Variants in TAF5 observed in about 807,000 individuals in gnomAD.
TAF5 encodes TATA-box binding protein associated factor 5, also known as transcription initiation factor TFIID subunit 5.
Under a neutral mutation model 80.9 loss-of-function variants are expected in TAF5, and 20 were observed. That is an observed-to-expected ratio of 0.25 (90% CI 0.17 to 0.36). The LOEUF (loss-of-function observed/expected upper bound fraction) is 0.36. Among genes scored for constraint, TAF5 ranks in the 10% least tolerant of loss-of-function variants. The pLI is 1.00. For synonymous variants in TAF5, 388 were observed against 406.4 expected, an observed-to-expected ratio of 0.95 and a Z score of 0.55; for missense variants, 863 against 1,029.4, an observed-to-expected ratio of 0.84 and a Z score of 2.21.
Position 103,368,333 on chromosome 10 carries a change from C to A in TAF5, c.344C>A (p.Ala115Glu). Reference sequence around the variant, plus strand: ...AGCAAACTCCGCGAGGCCGAAGAGGCGCTGCGCCGTGAGGCCGGGCTGCTG... The same window carrying A: ...AGCAAACTCCGCGAGGCCGAAGAGGAGCTGCGCCGTGAGGCCGGGCTGCTG... ...RQSKLREAEEALRREAGLLEE... is the reference protein window; with the variant it reads ...RQSKLREAEEELRREAGLLEE... The change falls in exon 1 of 11, where the codon GCG becomes GAG. Residue 115 changes from alanine to glutamate, a missense_variant. This residue lies in a region of TAF5 where 367 missense variants were observed against 335.5 expected (regional missense o/e 1.09). Coordinates refer to ENST00000369839, the MANE Select transcript of TAF5 (RefSeq NM_006951.5). The A allele has an allele frequency of 1.3e-6, 2 of 1,580,810 alleles. No individual in the cohort carries two copies. Among genetic ancestry groups the A allele is most frequent in the East Asian group, 2.3e-5 (1 of 43,912 alleles).
In TAF5 at chr10:103,368,018, A is replaced by G; in HGVS notation, c.29A>G (p.Glu10Gly). The G allele has an allele frequency of 1.4e-6, 2 of 1,466,272 alleles. No individual in the cohort carries two copies. Among genetic ancestry groups the G allele is most frequent in the Non-Finnish European group, 1.8e-6 (2 of 1,115,052 alleles). The allele number at this position is 1,466,272 out of a possible 1,614,324, so 90.8% of individuals were successfully genotyped here. MAALAEEQT[E>G]VAVKLEPEGP... Reference sequence around the variant, plus strand: ...GCGGCGCTGGCGGAGGAGCAGACGGAGGTGGCGGTCAAGCTAGAGCCTGAG... The same window carrying G: ...GCGGCGCTGGCGGAGGAGCAGACGGGGGTGGCGGTCAAGCTAGAGCCTGAG... The change falls in exon 1 of 11, where the codon GAG (glutamate) becomes GGG (glycine). Residue 10 changes from glutamate (E) to glycine (G), a missense_variant. Physicochemically the swap from Glu to Gly is moderately conservative, Grantham distance 98 (BLOSUM62 -2). Around this residue, in one of 3 missense-constraint regions of TAF5, gnomAD observed 367 missense variants for 335.5 expected, o/e 1.09. Transcript: ENST00000369839.
intron 6 of TAF5, 126 bp from the exon 7 acceptor site, chr10:103,383,112 C>T: frequency 1.4e-6 from 1 of 733,020 alleles, no homozygotes; most frequent in Non-Finnish European, 2.1e-6. Context: ...GAGGGATTAG[C>T]AAAGTGCGGT....
In TAF5 at chr10:103,378,158, G is replaced by A; in HGVS notation, c.798-77G>A. Reference sequence around the variant, plus strand: ...ACTACATTGAAAATATTCTGGGATGGTTTATAAGTATATGGGGGAAAGGCA... The same window carrying A: ...ACTACATTGAAAATATTCTGGGATGATTTATAAGTATATGGGGGAAAGGCA... On this transcript the variant is annotated intron_variant, in intron 2 of 10. Coordinates refer to ENST00000369839, the MANE Select transcript of TAF5 (RefSeq NM_006951.5). This position sits in a 1 kb window ranked among gnomAD's most constrained non-coding sequence, Gnocchi z 4.1. 1.5e-6 allele frequency: 2 copies of A among 1,297,198 alleles called. No homozygotes were observed. The highest frequency in any genetic ancestry group is 2.2e-6 in the Non-Finnish European group (2 of 929,230). 80.4% of individuals were successfully genotyped at this position (1,297,198 alleles called of 1,614,324 possible).
rs778012215 is a variant in TAF5 at position 103,373,392 on chromosome 10, C to T, written c.594C>T (p.Val198=). The T allele has an allele frequency of 2.5e-6, 4 of 1,613,898 alleles. No homozygotes were observed. Among genetic ancestry groups the T allele is most frequent in the Non-Finnish European group, 2.5e-6 (3 of 1,180,004 alleles). Residue 198 remains valine, a synonymous_variant, in exon 2 of 11, where the codon GTC becomes GTT. Coordinates refer to ENST00000369839, the MANE Select transcript of TAF5 (RefSeq NM_006951.5). ...TTGCTGTGGAAGACCAGCCAGATGT[C>T]AGTGCCGTGTTGTCAGCCTACAACC... ...GSVAVEDQPD[V]SAVLSAYNQQ...
chr10:103,386,526 G>T (rs1277153079), intron 8 of TAF5, among the ~76,000 whole-genome samples: 1 of 152,116 alleles, frequency 6.6e-6, no homozygotes, highest in African/African-American at 2.4e-5. Context: ...AATATACAGA[G>T]AATTGGAGTT....
chr10:103,369,846 T>C (rs2093355050), intron 1 of TAF5, among the ~76,000 whole-genome samples: 1 of 152,214 alleles, frequency 6.6e-6, no homozygotes, highest in Non-Finnish European at 1.5e-5. Context: ...GCCATGTGTT[T>C]AGGCATGGGC....
intron 1 of TAF5, 27 bp downstream of exon 1, chr10:103,368,575 C>G (rs758799491): frequency 5.5e-6 from 8 of 1,449,478 alleles, no homozygotes; most frequent in African/African-American, 1.5e-5. Context: ...CGGGTAGGTA[C>G]GGCCGCCGCG....
At chr10:103,381,105 C>G (rs1464731116) in intron 5 of TAF5, among the ~76,000 whole-genome samples, 5 of 151,384 alleles carry the variant, frequency 3.3e-5, no homozygotes, top group Non-Finnish European at 5.9e-5. Flanking sequence ...TGAGCCACCA[C>G]GCCCAGCTAA....
chr10:103,387,784 A>C, intron 10 of TAF5, 86 bp downstream of exon 10: 1 of 1,370,846 alleles, frequency 7.3e-7, no homozygotes, highest in East Asian at 2.3e-5. Context: ...CTTATGTTTT[A>C]GGTTTTACTT....
rs1310747410 is a variant in TAF5, at chr10:103,385,316, C to T, written c.1665-10C>T. On this transcript the variant is annotated splice_polypyrimidine_tract_variant and intron_variant, in intron 7 of 10. Transcript: ENST00000369839. ...CTGGGAGTCAAATATATCACCTTCTCTTCTCTCAGGAACTATCTGCTTTCC... is the reference window on the plus strand; with the variant it reads ...CTGGGAGTCAAATATATCACCTTCTTTTCTCTCAGGAACTATCTGCTTTCC... The T allele has an allele frequency of 1.9e-6, 3 of 1,595,692 alleles. No homozygotes were observed. In the South Asian group the frequency reaches 3.3e-5, roughly 18 times the overall value.
Position 103,378,410 on chromosome 10 carries a change from C to A in TAF5, c.973C>A (p.Gln325Lys), listed in dbSNP as rs755393290. 4 of 1,614,002 alleles carry A rather than the reference C, an allele frequency of 2.5e-6. No individual in the cohort carries two copies. In the Admixed American group the frequency reaches 5.0e-5, roughly 20 times the overall value. Residue 325 changes from glutamine to lysine, a missense_variant, in exon 3 of 11, where the codon CAG (glutamine) becomes AAG (lysine). This residue lies in a region of TAF5 where 128 missense variants were observed against 232.2 expected (regional missense o/e 0.55). Transcript: ENST00000369839. The surrounding 1 kb of genome is among the most constrained non-coding windows in gnomAD (Gnocchi z 4.1). Reference sequence around the variant, plus strand: ...CTTGAAGAGGCATCTTCAGGAGAAACAGAACAATCAGATATGGAACATAGT... The same window carrying A: ...CTTGAAGAGGCATCTTCAGGAGAAAAAGAACAATCAGATATGGAACATAGT... ...QLLKRHLQEK[Q>K]NNQIWNIVQE...
rs1039639952 is a variant in TAF5, at chr10:103,378,609, A to G, written c.1113+59A>G. On this transcript the variant is annotated intron_variant, in intron 3 of 10. Coordinates refer to ENST00000369839, the MANE Select transcript of TAF5 (RefSeq NM_006951.5). This position sits in a 1 kb window ranked among gnomAD's most constrained non-coding sequence, Gnocchi z 4.1. ...GATTATGAAAAATTGTAGCATTTCC[A>G]TCTACATAAGTTACACATTTTTCTT... 1 of 1,498,024 alleles carries G rather than the reference A, an allele frequency of 6.7e-7. No individual in the cohort carries two copies. Among genetic ancestry groups the G allele is most frequent in the Non-Finnish European group, 9.0e-7 (1 of 1,114,860 alleles). 92.8% of individuals were successfully genotyped at this position (1,498,024 alleles called of 1,614,324 possible).
intron 2 of TAF5, among the ~76,000 whole-genome samples, chr10:103,376,076 C>T (rs1337130959): frequency 2.0e-5 from 3 of 151,146 alleles, no homozygotes; most frequent in Middle Eastern, 3.2e-3. Flanking sequence ...AAAAGGAGGC[C>T]GTGCTTAGCA....
At chr10:103,385,663 G>A (rs917262880) in intron 8 of TAF5, among the ~76,000 whole-genome samples, 173 bp downstream of exon 8, 2 of 152,060 alleles carry the variant, frequency 1.3e-5, no homozygotes, top group African/African-American at 4.8e-5. Context: ...AGTGGCTTAT[G>A]CCTGTAATCC....
At chr10:103,383,838 A>G (rs977325696) in intron 7 of TAF5, among the ~76,000 whole-genome samples, 4 of 152,076 alleles carry the variant, frequency 2.6e-5, no homozygotes, top group Admixed American at 2.0e-4. Context: ...TCAGCCTCCC[A>G]AAGTGCTGGG....
intron 6 of TAF5, among the ~76,000 whole-genome samples, chr10:103,382,914 C>G (rs1438468346): frequency 6.6e-6 from 1 of 152,192 alleles, no homozygotes; most frequent in Non-Finnish European, 1.5e-5. Flanking sequence ...TACCAAAATT[C>G]TGAGACTACA....
At chr10:103,387,413 A>T (rs1355160686) in intron 9 of TAF5, 61 bp downstream of exon 9, 6 of 1,555,028 alleles carry the variant, frequency 3.9e-6, no homozygotes, top group Non-Finnish European at 5.2e-6. Flanking sequence ...AATATTTTTT[A>T]AACAAGTGAC....
At chr10:103,387,786 G>C in intron 10 of TAF5, 88 bp downstream of exon 10, 1 of 1,361,966 alleles carries the variant, frequency 7.3e-7, no homozygotes, top group South Asian at 1.4e-5. Flanking sequence ...TATGTTTTAG[G>C]TTTTACTTCC....
In TAF5 at chr10:103,388,026, C is replaced by G; in HGVS notation, c.2206C>G (p.Arg736Gly). ...LASGSMDNTV[R>G]LWDAIKAFED... ...CTTAGGTTCAATGGATAATACAGTTCGATTATGGGATGCTATCAAAGCCTT... is the reference window on the plus strand; with the variant it reads ...CTTAGGTTCAATGGATAATACAGTTGGATTATGGGATGCTATCAAAGCCTT... The change falls in exon 11 of 11, where the codon CGA (arginine) becomes GGA (glycine). Residue 736 changes from arginine (R) to glycine (G), a missense_variant. Transcript: ENST00000369839. The G allele has an allele frequency of 6.2e-7, 1 of 1,613,938 alleles. No homozygotes were observed.
Sources: gnomAD v4.1 joint callset for allele counts (sites outside exome capture counted in the v4.1 genomes callset) on GRCh38, gnomAD v4.1.1 for gene constraint, gnomAD v4.1.1 regional missense constraint, Gnocchi (gnomAD v3.1) non-coding constraint, MANE v1.5 for transcripts, NCBI Gene and HGNC (gene_info 2026-07-23, HGNC 2026-07-21) for gene names.